Variants in NACC2 observed in about 807,000 individuals in gnomAD.
NACC2 encodes the protein nucleus accumbens-associated protein 2.
Under a neutral mutation model 25.1 loss-of-function variants are expected in NACC2, and 8 were observed. The observed-to-expected ratio is 0.32, with a 90% CI of 0.19 to 0.57. The LOEUF (loss-of-function observed/expected upper bound fraction) is 0.57. Among genes scored for constraint, NACC2 ranks in the 20% least tolerant of loss-of-function variants. The pLI is 0.89. For missense variants in NACC2, 644 were observed against 650.2 expected, an observed-to-expected ratio of 0.99 and a Z score of 0.10; for synonymous variants, 435 against 294.7, an observed-to-expected ratio of 1.48 and a Z score of -4.88.
chr9:136,062,355 A>G (rs914951872), intron 1 of NACC2, among the ~76,000 whole-genome samples: 88 of 152,276 alleles, frequency 5.8e-4, no homozygotes, highest in African/African-American at 1.9e-3. Context: ...ACAGGTATAC[A>G]TGTCAGCTTT....
At chr9:136,034,458 A>T (rs1564225629) in intron 2 of NACC2, among the ~76,000 whole-genome samples, 1 of 152,204 alleles carries the variant, frequency 6.6e-6, no homozygotes, top group Non-Finnish European at 1.5e-5. Context: ...TGAACCCACA[A>T]TTCTTAAATA....
rs1840266018 is a variant in NACC2 at position 136,020,001 on chromosome 9, G to A, written c.887-3572C>T. The stretch of plus-strand genomic sequence containing the variant: ...GAGGGTGGGTGCCGGGGCTGGGTGG[G>A]GGAACGGGGAGGGACCGTTTCATGG... On this transcript the variant is annotated intron_variant, in intron 2 of 5. Coordinates refer to ENST00000277554, the MANE Select transcript of NACC2 (RefSeq NM_144653.5). The surrounding 1 kb of genome is among the most constrained non-coding windows in gnomAD (Gnocchi z 4.7). Among the ~76,000 whole-genome samples, 1 of 152,080 alleles carries A rather than the reference G, an allele frequency of 6.6e-6. No homozygotes were observed. Among genetic ancestry groups the A allele is most frequent in the Non-Finnish European group, 1.5e-5 (1 of 68,004 alleles).
intron 2 of NACC2, among the ~76,000 whole-genome samples, chr9:136,037,951 T>C (rs1840578551): frequency 6.6e-6 from 1 of 152,208 alleles, no homozygotes; most frequent in African/African-American, 2.4e-5. Context: ...TAATGTCCTT[T>C]AACCAGTGAA....
At position 136,024,821 on chromosome 9, in the gene NACC2, T is replaced by G. The variant is rs534407937; in HGVS notation, c.887-8392A>C. Among the ~76,000 whole-genome samples the G allele has an allele frequency of 3.9e-5, 6 of 152,264 alleles. No individual in the cohort carries two copies. The South Asian group carries it at 1.2e-3, about 32-fold the overall frequency. On this transcript the variant is annotated intron_variant, in intron 2 of 5. Coordinates refer to ENST00000277554, the MANE Select transcript of NACC2 (RefSeq NM_144653.5). ...CAACTACAACCCTGAGGGGCTGCGATCCTGAGAACTGGGACCTGCCAGCCC... is the reference window on the plus strand; with the variant it reads ...CAACTACAACCCTGAGGGGCTGCGAGCCTGAGAACTGGGACCTGCCAGCCC...
intron 1 of NACC2, among the ~76,000 whole-genome samples, chr9:136,081,449 G>A (rs1830322966): frequency 6.6e-6 from 1 of 152,242 alleles, no homozygotes; most frequent in African/African-American, 2.4e-5. Context: ...ACTCGGACCT[G>A]CTCTCTGAGC....
chr9:136,077,866 C>T (rs1045289149), intron 1 of NACC2, among the ~76,000 whole-genome samples: 3 of 152,222 alleles, frequency 2.0e-5, no homozygotes, highest in Admixed American at 6.5e-5. Context: ...GTGCTTTATA[C>T]GCAAAGGTGT....
Position 136,011,875 on chromosome 9 carries a change from C to T in NACC2, c.1405G>A (p.Val469Ile). Residue 469 changes from valine (V) to isoleucine (I), a missense_variant, in exon 6 of 6, where the codon GTC becomes ATC. Val to Ile is a conservative substitution (Grantham distance 29). Coordinates refer to ENST00000277554, the MANE Select transcript of NACC2 (RefSeq NM_144653.5). ...ACGCTGGCGGCGGCGGAGCCCATGA[C>T]CGTGCGGTACATCTCCACGCCCTCC... ...LPEGVEMYRTVMGSAAASVPL... is the reference protein window; with the variant it reads ...LPEGVEMYRTIMGSAAASVPL... 2.5e-6 allele frequency: 4 copies of T among 1,569,100 alleles called. No individual in the cohort carries two copies. Among genetic ancestry groups the T allele is most frequent in the South Asian group, 2.3e-5 (2 of 86,562 alleles).
chr9:136,058,003 G>A (rs924571381), intron 1 of NACC2, among the ~76,000 whole-genome samples: 2 of 152,048 alleles, frequency 1.3e-5, no homozygotes, highest in Non-Finnish European at 2.9e-5. Context: ...GCCATAAATA[G>A]TGAGGCGAGG....
intron 2 of NACC2, among the ~76,000 whole-genome samples, chr9:136,041,374 C>T (rs1003589815): frequency 1.5e-4 from 22 of 150,406 alleles, no homozygotes; most frequent in African/African-American, 3.7e-4. Flanking sequence ...GAGCCGAGAT[C>T]GCACCACTGC....
At chr9:136,090,591 C>G (rs932368151) in intron 1 of NACC2, among the ~76,000 whole-genome samples, 1 of 152,220 alleles carries the variant, frequency 6.6e-6, no homozygotes, top group African/African-American at 2.4e-5. Flanking sequence ...TGAGGGACCC[C>G]AGGCAGCTCT....
chr9:136,049,632 T>A lies in NACC2; in HGVS notation c.886+4A>T. The A allele has an allele frequency of 2.6e-6, 2 of 774,952 alleles. No homozygotes were observed. The allele number at this position is 774,952 out of a possible 1,614,324, so 48.0% of individuals were successfully genotyped here. A position where few individuals can be genotyped will look rare whatever the true frequency, so the allele number is the denominator to read the frequency against. On this transcript the variant is annotated splice_donor_region_variant and intron_variant, in intron 2 of 5. Transcript: ENST00000277554. The stretch of plus-strand genomic sequence containing the variant: ...TGGTGTGGGGCTCCACCCCGCCGCG[T>A]TACCTGCATAGCTGCCGGAGGCCTT...
At chr9:136,072,680 T>C (rs1830211594) in intron 1 of NACC2, among the ~76,000 whole-genome samples, 1 of 152,086 alleles carries the variant, frequency 6.6e-6, no homozygotes. Context: ...GGAGAAACCC[T>C]GTTTCTACTA....
At chr9:136,089,843 A>G (rs868566365) in intron 1 of NACC2, among the ~76,000 whole-genome samples, 2 of 152,048 alleles carry the variant, frequency 1.3e-5, no homozygotes, top group African/African-American at 4.8e-5. Context: ...TCAGTGTGGA[A>G]TAAGAATAGC....
chr9:136,032,521 G>T (rs1009059410), intron 2 of NACC2, among the ~76,000 whole-genome samples: 1 of 152,176 alleles, frequency 6.6e-6, no homozygotes, highest in Non-Finnish European at 1.5e-5. Flanking sequence ...ATGAGACAGG[G>T]ATATGTAAGA....
chr9:136,078,583 C>T (rs944144144), intron 1 of NACC2, among the ~76,000 whole-genome samples: 1 of 152,188 alleles, frequency 6.6e-6, no homozygotes, highest in African/African-American at 2.4e-5. Flanking sequence ...ATAGACGGGA[C>T]TCCAGGGGAA....
At position 136,008,183 on chromosome 9, in the gene NACC2, T is replaced by C. The variant is rs536555781; in HGVS notation, c.*3333A>G. 2.0e-4 allele frequency: 30 copies of C among 152,430 alleles called. No individual in the cohort carries two copies. Among genetic ancestry groups the C allele is most frequent in the African/African-American group, 6.5e-4 (27 of 41,548 alleles). The allele number at this position is 152,430 out of a possible 1,614,324, so 9.4% of individuals were successfully genotyped here. ...AGAGAACTCGGGTGGACAGACACAATGCGGAAAACAAGACAGAATTCAAGT... is the reference window on the plus strand; with the variant it reads ...AGAGAACTCGGGTGGACAGACACAACGCGGAAAACAAGACAGAATTCAAGT... On this transcript the variant is annotated 3_prime_UTR_variant, in exon 6 of 6. Transcript: ENST00000277554.
rs757785927 is a variant in NACC2, at chr9:136,011,589, C to T, written c.1691G>A (p.Gly564Asp). ...CGGCGTCTGGGGCCTGCTGGGGCCG[C>T]CCCCGCCCTGCTCAAAGGGCTGTGG... is the stretch of plus-strand genomic sequence containing the variant. ...SPPQPFEQGG[G>D]GPSRPQTPAA... Residue 564 changes from glycine to aspartate, a missense_variant, in exon 6 of 6, where the codon GGC becomes GAC. Transcript: ENST00000277554. The T allele has an allele frequency of 3.5e-6, 5 of 1,431,400 alleles. No individual in the cohort carries two copies. Among genetic ancestry groups the T allele is most frequent in the Non-Finnish European group, 4.5e-6 (5 of 1,101,224 alleles). The allele number at this position is 1,431,400 out of a possible 1,614,324, so 88.7% of individuals were successfully genotyped here. A position where few individuals can be genotyped will look rare whatever the true frequency, so the allele number is the denominator to read the frequency against.
At chr9:136,088,933 C>G (rs1372882719) in intron 1 of NACC2, among the ~76,000 whole-genome samples, 1 of 152,238 alleles carries the variant, frequency 6.6e-6, no homozygotes, top group Non-Finnish European at 1.5e-5. Flanking sequence ...ATATTCTTTG[C>G]AAGTTAATAT....
intron 2 of NACC2, among the ~76,000 whole-genome samples, chr9:136,025,183 A>C (rs1309391610): frequency 1.3e-5 from 2 of 152,242 alleles, no homozygotes; most frequent in Non-Finnish European, 2.9e-5. Flanking sequence ...GGTGTGAGGC[A>C]AACCAGAAGC....
Sources: allele counts gnomAD v4.1 joint callset (sites outside exome capture counted in the v4.1 genomes callset), GRCh38; gene constraint gnomAD v4.1.1; non-coding constraint Gnocchi (gnomAD v3.1); transcripts MANE v1.5; gene names NCBI Gene and HGNC (gene_info 2026-07-23, HGNC 2026-07-21).